Variants in GLS observed in about 807,000 individuals in gnomAD.
GLS encodes glutaminase.
Under a neutral mutation model 86.7 loss-of-function variants are expected in GLS, and 36 were observed. The observed-to-expected ratio is 0.42, with a 90% CI of 0.32 to 0.55. The LOEUF is 0.55. Among genes scored for constraint, GLS ranks in the 20% least tolerant of loss-of-function variants. The pLI is 0.17. For missense variants in GLS, 528 were observed against 833.4 expected, an observed-to-expected ratio of 0.63 and a Z score of 4.51; for synonymous variants, 317 against 305.9, an observed-to-expected ratio of 1.04 and a Z score of -0.38.
intron 14 of GLS, among the ~76,000 whole-genome samples, chr2:190,952,615 A>G (rs1337186746): frequency 1.3e-5 from 2 of 152,212 alleles, no homozygotes; most frequent in Non-Finnish European, 2.9e-5. Flanking sequence ...GCACAGTTCC[A>G]GGCTGTGGCT....
In GLS at chr2:190,914,185, GT is replaced by G. The variant is rs966957884; in HGVS notation, c.1038+3872del. On this transcript the variant is annotated intron_variant, in intron 7 of 17. Coordinates refer to ENST00000320717, the MANE Select transcript of GLS (RefSeq NM_014905.5). This position sits in a 1 kb window ranked among gnomAD's most constrained non-coding sequence, Gnocchi z 4.4. ...GTATTTTTGAATTTTAAAAATTAGG[GT>G]TTTTTTTCTTTCTCTTTAAACAATT... 2.6e-5 allele frequency among the ~76,000 whole-genome samples: 4 copies of G among 151,658 alleles called. No homozygotes were observed. Among genetic ancestry groups the G allele is most frequent in the South Asian group, 2.1e-4 (1 of 4,788 alleles).
intron 1 of GLS, among the ~76,000 whole-genome samples, chr2:190,882,653 ACTT>A: frequency 6.6e-6 from 1 of 152,242 alleles, no homozygotes; most frequent in Non-Finnish European, 1.5e-5. Flanking sequence ...CCTTCCAGAA[ACTT>A]TTCTAAAGTT....
rs929386220 is a variant in GLS at position 190,953,418 on chromosome 2, T to C, written c.1651-147T>C. The C allele has an allele frequency of 5.0e-6, 3 of 600,460 alleles. No individual in the cohort carries two copies. The highest frequency in any genetic ancestry group is 1.8e-5 in the African/African-American group (1 of 54,904). 37.2% of individuals were successfully genotyped at this position (600,460 alleles called of 1,614,324 possible). On this transcript the variant is annotated intron_variant, in intron 14 of 17. Coordinates refer to ENST00000320717, the MANE Select transcript of GLS (RefSeq NM_014905.5). This position sits in a 1 kb window ranked among gnomAD's most constrained non-coding sequence, Gnocchi z 4.0. The stretch of plus-strand genomic sequence containing the variant: ...GAAAGTATCACACACGTGGGTTCTT[T>C]TGGCTATGGAAGTGTCCTTGAGATC...
rs1255195911 is a variant in GLS, at chr2:190,897,110, C to T, written c.605+1385C>T. 6.6e-6 allele frequency among the ~76,000 whole-genome samples: 1 copy of T among 151,838 alleles called. No individual in the cohort carries two copies. The highest frequency in any genetic ancestry group is 6.6e-5 in the Admixed American group (1 of 15,248). ...GTGACATGATCTTGGCTCACTACAA[C>T]CTCTGCCTCCCGGGTTCAAGTGATT... On this transcript the variant is annotated intron_variant, in intron 3 of 17. Transcript: ENST00000320717. The surrounding 1 kb of genome is among the most constrained non-coding windows in gnomAD (Gnocchi z 4.3).
intron 14 of GLS, chr2:190,934,328 A>G (rs891009606): frequency 1.2e-5 from 12 of 964,706 alleles, no homozygotes; most frequent in Non-Finnish European, 1.2e-5. Flanking sequence ...CTGTGATATT[A>G]AGAAAAGAAA....
chr2:190,942,983 A>G (rs1389517475), intron 14 of GLS, among the ~76,000 whole-genome samples: 1 of 152,178 alleles, frequency 6.6e-6, no homozygotes, highest in African/African-American at 2.4e-5. Flanking sequence ...AAAGTGGGAG[A>G]AAAAGAAAAG....
Position 190,881,430 on chromosome 2 carries a change from G to A in GLS, c.346G>A (p.Gly116Ser). Residue 116 changes from glycine (G) to serine (S), a missense_variant, in exon 1 of 18, where the codon GGC becomes AGC. Physicochemically the swap from Gly to Ser is moderately conservative, Grantham distance 56. Coordinates refer to ENST00000320717, the MANE Select transcript of GLS (RefSeq NM_014905.5). The part of the protein sequence containing the change: ...KDGPGETDAF[G>S]NSEGKELVAS... ...CGGCCCCGGGGAGACGGACGCGTTT[G>A]GCAACAGCGAGGGCAAAGAGCTGGT... 6.5e-7 allele frequency: 1 copy of A among 1,545,930 alleles called. No homozygotes were observed. The highest frequency in any genetic ancestry group is 8.7e-7 in the Non-Finnish European group (1 of 1,145,306).
At chr2:190,959,342 A>G (rs1048726234) in intron 17 of GLS, among the ~76,000 whole-genome samples, 4 of 151,790 alleles carry the variant, frequency 2.6e-5, no homozygotes, top group African/African-American at 9.7e-5. Flanking sequence ...GATCTCCTGA[A>G]TACAGCAGAC....
rs925219553 is a variant in GLS at position 190,937,841 on chromosome 2, T to G, written c.1650+6204T>G. 2.2e-3 allele frequency among the ~76,000 whole-genome samples: 123 copies of G among 55,866 alleles called. No homozygotes were observed. The South Asian group carries it at 0.048, about 22-fold the overall frequency. 36.7% of individuals were successfully genotyped at this position (55,866 alleles called of 152,430 possible). A position where few individuals can be genotyped will look rare whatever the true frequency, so the allele number is the denominator to read the frequency against. On this transcript the variant is annotated intron_variant, in intron 14 of 17. Transcript: ENST00000320717. ...TTGCTTTTTTGGCGGAATCTGTGGG[T>G]TTTTTTTTTTTTTTTTGTAAATTTC... is the stretch of plus-strand genomic sequence containing the variant.
chr2:190,929,252 T>TA (rs1353862407), intron 12 of GLS, among the ~76,000 whole-genome samples: 2 of 151,890 alleles, frequency 1.3e-5, no homozygotes, highest in Non-Finnish European at 2.9e-5. Flanking sequence ...GAAAATCTTT[T>TA]AAGAATATAT....
chr2:190,898,848 G>A (rs1207116298), intron 3 of GLS, among the ~76,000 whole-genome samples: 6 of 152,090 alleles, frequency 3.9e-5, no homozygotes, highest in African/African-American at 1.2e-4. Flanking sequence ...GGCTGGTCTC[G>A]AACTCCTGAC....
intron 14 of GLS, 99 bp downstream of exon 14, chr2:190,931,736 C>T (rs941979838): frequency 4.3e-5 from 24 of 564,574 alleles, no homozygotes; most frequent in Non-Finnish European, 5.7e-5. Context: ...TTAGTGGCCT[C>T]GGGTCTTTGC....
At chr2:190,902,113 A>G (rs545089973) in intron 5 of GLS, 87 bp downstream of exon 5, 8 of 768,106 alleles carry the variant, frequency 1.0e-5, no homozygotes, top group Middle Eastern at 4.6e-4. Context: ...ATCATCTTTT[A>G]TAATGGAAAT....
chr2:190,894,354 T>A (rs370995820), intron 1 of GLS, among the ~76,000 whole-genome samples: 24 of 149,672 alleles, frequency 1.6e-4, no homozygotes, highest in East Asian at 3.9e-4. Flanking sequence ...TACGTTTTTT[T>A]ATTTTTTTTC....
intron 17 of GLS, among the ~76,000 whole-genome samples, chr2:190,958,721 G>T (rs989472499): frequency 3.9e-5 from 6 of 152,142 alleles, no homozygotes; most frequent in African/African-American, 1.4e-4. Context: ...CCATGCAGTT[G>T]TACAGTTTTG....
intron 7 of GLS, among the ~76,000 whole-genome samples, chr2:190,911,764 G>GT (rs1689369320): frequency 6.6e-6 from 1 of 152,022 alleles, no homozygotes; most frequent in South Asian, 2.1e-4. Context: ...CACCAAAAGT[G>GT]TTTCTTCCCA....
intron 7 of GLS, among the ~76,000 whole-genome samples, chr2:190,911,251 T>C (rs367801031): frequency 5.9e-5 from 9 of 152,158 alleles, no homozygotes; most frequent in African/African-American, 2.2e-4. Context: ...TGAGTATAAA[T>C]GATACCCTTG....
Position 190,953,719 on chromosome 2 carries a change from T to C in GLS, c.1712+93T>C. Reference sequence around the variant, plus strand: ...CATTTTAAGGTTAAAGTCTCACTTTTCTTTCCCTTTGATAAAAATGACCCC... The same window carrying C: ...CATTTTAAGGTTAAAGTCTCACTTTCCTTTCCCTTTGATAAAAATGACCCC... On this transcript the variant is annotated intron_variant, in intron 15 of 17. Coordinates refer to ENST00000320717, the MANE Select transcript of GLS (RefSeq NM_014905.5). The surrounding 1 kb of genome is among the most constrained non-coding windows in gnomAD (Gnocchi z 4.0). 4 of 865,594 alleles carry C rather than the reference T, an allele frequency of 4.6e-6. No homozygotes were observed. The Admixed American group carries it at 8.3e-5, about 18-fold the overall frequency. 53.6% of individuals were successfully genotyped at this position (865,594 alleles called of 1,614,324 possible).
At chr2:190,885,350 C>T (rs575690980) in intron 1 of GLS, among the ~76,000 whole-genome samples, 32 of 152,158 alleles carry the variant, frequency 2.1e-4, no homozygotes, top group South Asian at 1.2e-3. Context: ...CGCCACCATG[C>T]GTGGCTAATT....
Sources: allele counts gnomAD v4.1 joint callset (sites outside exome capture counted in the v4.1 genomes callset), GRCh38; gene constraint gnomAD v4.1.1; non-coding constraint Gnocchi (gnomAD v3.1); transcripts MANE v1.5; gene names NCBI Gene and HGNC (gene_info 2026-07-23, HGNC 2026-07-21).